Variants in ATP8B4 observed in about 807,000 individuals in gnomAD.
ATP8B4 encodes the protein probable phospholipid-transporting ATPase IM.
A neutral mutation model predicts 145.6 loss-of-function variants in ATP8B4; 133 were observed. The ratio of observed to expected loss-of-function variants is 0.91; its 90% CI spans 0.79 to 1.05. ATP8B4 has a LOEUF of 1.05. Ranked by LOEUF, ATP8B4 falls within the 50% of genes least tolerant of loss-of-function variation. ATP8B4 has a pLI of 0.00. For missense variants in ATP8B4, 1,458 were observed against 1,425.2 expected (o/e 1.02, Z -0.37); for synonymous variants, 507 against 492.9 (o/e 1.03, Z -0.38).
At chr15:50,166,057 C>G (rs1197411064) in intron 1 of ATP8B4, among the ~76,000 whole-genome samples, 2 of 151,244 alleles carry the variant, frequency 1.3e-5, no homozygotes, top group Non-Finnish European at 2.9e-5. Context: ...TGAAAACAAT[C>G]AGGAATAAAG....
At chr15:50,129,104 C>G (rs2057327239) in intron 1 of ATP8B4, among the ~76,000 whole-genome samples, 1 of 152,132 alleles carries the variant, frequency 6.6e-6, no homozygotes, top group Non-Finnish European at 1.5e-5. Context: ...TAAGTAGCCA[C>G]ATTTTTTAGG....
At chr15:50,068,264 T>C (rs2053512097) in intron 3 of ATP8B4, among the ~76,000 whole-genome samples, 2 of 152,184 alleles carry the variant, frequency 1.3e-5, no homozygotes, top group Non-Finnish European at 2.9e-5. Flanking sequence ...CAGGGAGCCT[T>C]AGTGGTGTGA....
At chr15:49,905,793 A>G (rs1361407222) in intron 20 of ATP8B4, among the ~76,000 whole-genome samples, 2 of 152,150 alleles carry the variant, frequency 1.3e-5, no homozygotes, top group African/African-American at 4.8e-5. Context: ...AAACACTATT[A>G]CAACATCAGA....
intron 3 of ATP8B4, among the ~76,000 whole-genome samples, chr15:50,054,798 A>C (rs971914517): frequency 3.3e-4 from 46 of 139,636 alleles, no homozygotes; most frequent in South Asian, 8.5e-4. Context: ...AAAAAAAAAA[A>C]AAAAAAAAAA....
intron 2 of ATP8B4, among the ~76,000 whole-genome samples, chr15:50,096,683 C>T (rs979501082): frequency 6.6e-6 from 1 of 152,052 alleles, no homozygotes; most frequent in African/African-American, 2.4e-5. Flanking sequence ...AGGTTTATGC[C>T]CTGCAATATT....
chr15:49,916,667 C>A (rs1363027009), intron 20 of ATP8B4, among the ~76,000 whole-genome samples: 1 of 152,146 alleles, frequency 6.6e-6, no homozygotes, highest in Non-Finnish European at 1.5e-5. Context: ...TTTTAAAGGA[C>A]AACTCAACAT....
chr15:50,046,410 C>T (rs1389113288), intron 4 of ATP8B4, among the ~76,000 whole-genome samples: 1 of 151,780 alleles, frequency 6.6e-6, no homozygotes, highest in Non-Finnish European at 1.5e-5. Flanking sequence ...AAAACAAAAA[C>T]AAAACAAAAC....
intron 6 of ATP8B4, among the ~76,000 whole-genome samples, chr15:50,038,063 A>G (rs993395804): frequency 6.6e-6 from 1 of 152,218 alleles, no homozygotes; most frequent in Non-Finnish European, 1.5e-5. Flanking sequence ...AGATTTAAGT[A>G]CATCATTAAA....
At chr15:50,024,131 C>A (rs1292776550) in intron 6 of ATP8B4, among the ~76,000 whole-genome samples, 1 of 152,166 alleles carries the variant, frequency 6.6e-6, no homozygotes, top group Admixed American at 6.6e-5. Context: ...GGTTCTGTGA[C>A]CCCAAAACTT....
intron 23 of ATP8B4, among the ~76,000 whole-genome samples, chr15:49,888,243 G>A (rs773081746): frequency 3.4e-4 from 51 of 152,184 alleles, no homozygotes; most frequent in Non-Finnish European, 6.0e-4. Context: ...GGGGAGCAGA[G>A]CTACCATGCC....
At chr15:49,996,001 G>A (rs1289574402) in intron 9 of ATP8B4, among the ~76,000 whole-genome samples, 1 of 152,032 alleles carries the variant, frequency 6.6e-6, no homozygotes, top group East Asian at 1.9e-4. Context: ...ACATCTAGAG[G>A]TTGTTCCATG....
In ATP8B4 at chr15:49,987,412, A is replaced by G. The variant is rs376745610; in HGVS notation, c.727T>C (p.Phe243Leu). The G allele has an allele frequency of 6.2e-7, 1 of 1,613,604 alleles. No individual in the cohort carries two copies. Among genetic ancestry groups the G allele is most frequent in the African/African-American group, 1.3e-5 (1 of 74,882 alleles). The change falls in exon 10 of 28, where the codon TTT becomes CTT. Residue 243 changes from phenylalanine to leucine, a missense_variant. Transcript: ENST00000284509. ...GCILRNTSWC[F>L]GMVIFAGPDT... ...GTACCTGCAAAAATAACCATTCCAA[A>G]ACACCAGCTGGTATTTCTCAGGATG...
chr15:49,870,064 T>G lies in ATP8B4; in HGVS notation c.3028-3580A>C, dbSNP rs554651692. ...AAAATATATGTACTAATATATGCAT[T>G]GTAGCATTGCCTTAATAGCAAAAAA... On this transcript the variant is annotated intron_variant, in intron 25 of 27. Transcript: ENST00000284509. Among the ~76,000 whole-genome samples the G allele has an allele frequency of 5.3e-5, 8 of 152,308 alleles. No homozygotes were observed. In the South Asian group the frequency reaches 1.7e-3, roughly 32 times the overall value.
At chr15:49,982,009 G>T (rs753427778) in intron 10 of ATP8B4, among the ~76,000 whole-genome samples, 6 of 152,150 alleles carry the variant, frequency 3.9e-5, no homozygotes, top group Non-Finnish European at 7.4e-5. Flanking sequence ...TATTGTTAAA[G>T]AAATTCCTTG....
At position 50,038,774 on chromosome 15, in the gene ATP8B4, T is replaced by G. The variant is rs1464179902; in HGVS notation, c.356A>C (p.Asn119Thr). ...CACAGAATGTATTTCTTACTTGCTGTTGATGAGCACTTCAGACTGCCGATT... is the reference window on the plus strand; with the variant it reads ...CACAGAATGTATTTCTTACTTGCTGGTGATGAGCACTTCAGACTGCCGATT... ...VNNRQSEVLI[N>T]SKLQNEKWMN... Residue 119 changes from asparagine (N) to threonine (T), a missense_variant, in exon 6 of 28, where the codon AAC (asparagine) becomes ACC (threonine). Physicochemically the swap from Asn to Thr is moderately conservative, Grantham distance 65. Transcript: ENST00000284509. The G allele has an allele frequency of 1.2e-6, 2 of 1,612,216 alleles. No homozygotes were observed. Among genetic ancestry groups the G allele is most frequent in the Non-Finnish European group, 1.7e-6 (2 of 1,178,552 alleles).
At chr15:50,095,697 G>A (rs747258081) in intron 2 of ATP8B4, among the ~76,000 whole-genome samples, 1 of 151,928 alleles carries the variant, frequency 6.6e-6, no homozygotes, top group Non-Finnish European at 1.5e-5. Context: ...TGAGGCTGTA[G>A]TGAGCTATGA....
intron 25 of ATP8B4, among the ~76,000 whole-genome samples, chr15:49,869,682 A>G (rs1356981267): frequency 6.6e-6 from 1 of 152,236 alleles, no homozygotes; most frequent in Non-Finnish European, 1.5e-5. Flanking sequence ...CATTTGACAG[A>G]CATGATGGCA....
rs1208854619 is a variant in ATP8B4 at position 50,111,713 on chromosome 15, T to C, written c.-42-4705A>G. Among the ~76,000 whole-genome samples, 17 of 152,212 alleles carry C rather than the reference T, an allele frequency of 1.1e-4. 1 individual carries two copies. Among genetic ancestry groups the C allele is most frequent in the Admixed American group, 1.1e-3 (17 of 15,282 alleles). The stretch of plus-strand genomic sequence containing the variant: ...AGCTCTGTAAACCTCAGAGCCAACC[T>C]GGGTGGGTCGTGGGGACAGGGCACA... On this transcript the variant is annotated intron_variant, in intron 1 of 27. Coordinates refer to ENST00000284509, the MANE Select transcript of ATP8B4 (RefSeq NM_024837.4).
At chr15:49,977,471 T>A (rs551710457) in intron 12 of ATP8B4, among the ~76,000 whole-genome samples, 1 of 152,216 alleles carries the variant, frequency 6.6e-6, no homozygotes, top group East Asian at 1.9e-4. Context: ...AGCTTAGGGA[T>A]ATAGGAAAAC....
Sources: allele counts gnomAD v4.1 joint callset (sites outside exome capture counted in the v4.1 genomes callset), GRCh38; gene constraint gnomAD v4.1.1; transcripts MANE v1.5; gene names NCBI Gene and HGNC (gene_info 2026-07-23, HGNC 2026-07-21).